The following RSPO2 variants were observed in gnomAD, a reference collection of about 807,000 sequenced individuals.
RSPO2 encodes R-spondin 2.
In RSPO2, 14 loss-of-function variants were observed where a neutral mutation model predicts 30.9. The ratio of observed to expected loss-of-function variants is 0.45; its 90% confidence interval spans 0.30 to 0.71. RSPO2 has a LOEUF of 0.71. Ranked by LOEUF, RSPO2 falls within the 30% of genes least tolerant of loss-of-function variation. The pLI, the probability that RSPO2 is intolerant of heterozygous loss-of-function variation, is 0.08. For missense variants in RSPO2, 264 were observed against 301.9 expected, an observed-to-expected ratio of 0.87 and a Z score of 0.93; for synonymous variants, 107 against 96.4, an observed-to-expected ratio of 1.11 and a Z score of -0.64.
intron 2 of RSPO2, among the ~76,000 whole-genome samples, chr8:108,005,264 G>T (rs1027887980): frequency 6.6e-6 from 1 of 152,272 alleles, no homozygotes; most frequent in East Asian, 1.9e-4. Flanking sequence ...GGTGGTGTCT[G>T]CTAGGTTTCT....
chr8:107,920,663 T>C, intron 5 of RSPO2, among the ~76,000 whole-genome samples: 1 of 152,104 alleles, frequency 6.6e-6, no homozygotes, highest in East Asian at 1.9e-4. Context: ...AAATCATGAG[T>C]GTTTCCCAGT....
intron 2 of RSPO2, among the ~76,000 whole-genome samples, chr8:107,995,626 A>C (rs141114560): frequency 9.5e-4 from 144 of 152,222 alleles, no homozygotes; most frequent in African/African-American, 3.2e-3. Context: ...CTCATCCCTC[A>C]TTCAAGATCT....
chr8:108,005,034 CCTT>C (rs1276377251), intron 2 of RSPO2, among the ~76,000 whole-genome samples: 1 of 152,122 alleles, frequency 6.6e-6, no homozygotes, highest in African/African-American at 2.4e-5. Flanking sequence ...CTCCAAGTCT[CCTT>C]TAATCTGGAG....
intron 2 of RSPO2, among the ~76,000 whole-genome samples, chr8:108,013,629 G>A (rs1810778113): frequency 6.6e-6 from 1 of 152,142 alleles, no homozygotes; most frequent in African/African-American, 2.4e-5. Flanking sequence ...AAATGGTGTT[G>A]GGAAAACTGG....
At chr8:108,017,394 C>A (rs1269405508) in intron 2 of RSPO2, among the ~76,000 whole-genome samples, 1 of 152,130 alleles carries the variant, frequency 6.6e-6, no homozygotes, top group Non-Finnish European at 1.5e-5. Context: ...TTCATCCCTG[C>A]AAAATGACAA....
rs1491575499 is a variant in RSPO2 at position 107,937,493 on chromosome 8, CAT to C, written c.616+20585_616+20586del. On this transcript the variant is annotated intron_variant, in intron 5 of 5. Coordinates refer to ENST00000276659, the MANE Select transcript of RSPO2 (RefSeq NM_178565.5). ...AGTATCAGAGATGTGTCCAAGTCCA[CAT>C]AGTTATTAAGTGGTAGTCCTGGGAA... Among the ~76,000 whole-genome samples, 3 of 101,800 alleles carry C rather than the reference CAT, an allele frequency of 2.9e-5. No homozygotes were observed. The East Asian group carries it at 1.2e-3, about 40-fold the overall frequency. The allele number at this position is 101,800 out of a possible 152,430, so 66.8% of individuals were successfully genotyped here. A position where few individuals can be genotyped will look rare whatever the true frequency, so the allele number is the denominator to read the frequency against.
At chr8:107,961,056 G>T (rs539783925) in intron 3 of RSPO2, among the ~76,000 whole-genome samples, 11 of 152,224 alleles carry the variant, frequency 7.2e-5, no homozygotes, top group African/African-American at 2.6e-4. Context: ...CAGGCACCAT[G>T]AGAACTTTTG....
At position 107,962,214 on chromosome 8, in the gene RSPO2, T is replaced by TAA. The variant is rs148738465; in HGVS notation, c.284-1399_284-1398dup. On this transcript the variant is annotated intron_variant, in intron 3 of 5. Transcript: ENST00000276659. ...TCCTATAAGCAAAGCGATAAAGGGG[T>TAA]AAAAAAAAAATGTAGCCAAAATGTT... Among the ~76,000 whole-genome samples, 15 of 148,904 alleles carry TAA rather than the reference T, an allele frequency of 1.0e-4. 1 individual carries two copies. The East Asian group carries it at 2.8e-3, about 27-fold the overall frequency.
intron 2 of RSPO2, among the ~76,000 whole-genome samples, chr8:107,992,602 G>A: frequency 6.6e-6 from 1 of 152,086 alleles, no homozygotes; most frequent in East Asian, 1.9e-4. Flanking sequence ...AAGAGATAAT[G>A]GCTGATTAAT....
chr8:108,062,070 A>G (rs1006804698), intron 2 of RSPO2, among the ~76,000 whole-genome samples: 10 of 151,924 alleles, frequency 6.6e-5, no homozygotes, highest in Non-Finnish European at 1.2e-4. Flanking sequence ...CTAAATGCCC[A>G]CAAGAGAAAG....
chr8:107,937,778 A>G (rs544196998), intron 5 of RSPO2, among the ~76,000 whole-genome samples: 1 of 152,234 alleles, frequency 6.6e-6, no homozygotes, highest in African/African-American at 2.4e-5. Flanking sequence ...TTGCAATTCT[A>G]CATTACGGCT....
At chr8:107,955,507 G>A (rs924067997) in intron 5 of RSPO2, among the ~76,000 whole-genome samples, 1 of 152,042 alleles carries the variant, frequency 6.6e-6, no homozygotes, top group Non-Finnish European at 1.5e-5. Flanking sequence ...TGGGAATGAA[G>A]ACTGAGTATT....
intron 5 of RSPO2, among the ~76,000 whole-genome samples, chr8:107,943,078 A>G (rs867725561): frequency 1.3e-5 from 2 of 152,250 alleles, no homozygotes; most frequent in Admixed American, 6.5e-5. Context: ...GCAGGGAAAT[A>G]AACAAAAGTG....
chr8:107,964,998 T>C (rs1157982617), intron 3 of RSPO2, among the ~76,000 whole-genome samples: 1 of 152,186 alleles, frequency 6.6e-6, no homozygotes, highest in Non-Finnish European at 1.5e-5. Flanking sequence ...AAAACCTCTA[T>C]GTAAATCTTA....
intron 2 of RSPO2, among the ~76,000 whole-genome samples, chr8:108,030,059 T>G (rs1811370368): frequency 6.6e-6 from 1 of 150,990 alleles, no homozygotes; most frequent in Admixed American, 6.6e-5. Flanking sequence ...TCCATGTCAA[T>G]TTTGTTTGGT....
intron 2 of RSPO2, among the ~76,000 whole-genome samples, chr8:107,991,637 C>A (rs1042115864): frequency 1.4e-4 from 21 of 152,050 alleles, no homozygotes; most frequent in African/African-American, 4.6e-4. Context: ...AAAATATTTG[C>A]AAACTATGCA....
intron 2 of RSPO2, among the ~76,000 whole-genome samples, chr8:108,031,479 T>C (rs1811420383): frequency 6.6e-6 from 1 of 152,224 alleles, no homozygotes; most frequent in Admixed American, 6.5e-5. Context: ...CAAAGTAGAC[T>C]GTCAATTCAT....
At chr8:107,972,940 A>G (rs1422090167) in intron 3 of RSPO2, among the ~76,000 whole-genome samples, 1 of 152,166 alleles carries the variant, frequency 6.6e-6, no homozygotes, top group Non-Finnish European at 1.5e-5. Context: ...GATATTTTTA[A>G]TGGGATTTGA....
At chr8:108,040,439 A>AG (rs1017676284) in intron 2 of RSPO2, among the ~76,000 whole-genome samples, 83 of 152,258 alleles carry the variant, frequency 5.5e-4, no homozygotes, top group African/African-American at 1.8e-3. Context: ...CAAAAGGTAC[A>AG]GGGGGAAAAA....
Sources: allele counts gnomAD v4.1 joint callset (sites outside exome capture counted in the v4.1 genomes callset), GRCh38; gene constraint gnomAD v4.1.1; transcripts MANE v1.5; gene names NCBI Gene and HGNC (gene_info 2026-07-23, HGNC 2026-07-21).